Variants in SETD1A observed in about 807,000 individuals in gnomAD.
SETD1A encodes histone-lysine N-methyltransferase SETD1A.
Under a neutral mutation model 149.9 loss-of-function variants are expected in SETD1A, and 29 were observed. That is an observed-to-expected ratio of 0.19 (90% confidence interval 0.14 to 0.26). SETD1A has a LOEUF of 0.26. SETD1A is among the 10% of genes least tolerant of loss of function. The probability of loss-of-function intolerance (pLI) is 1.00; values close to 1 mark genes in which losing one functional copy is unlikely to be tolerated. For missense variants in SETD1A, 2,109 were observed against 2,353.1 expected, an observed-to-expected ratio of 0.90 and a Z score of 2.15; for synonymous variants, 1,141 against 968.5, an observed-to-expected ratio of 1.18 and a Z score of -3.31.
intron 13 of SETD1A, among the ~76,000 whole-genome samples, chr16:30,972,561 C>T (rs560496745): frequency 6.6e-6 from 1 of 152,016 alleles, no homozygotes; most frequent in Admixed American, 6.6e-5. Flanking sequence ...TGGCGTGAAC[C>T]CAGGAGGCAG....
Position 30,958,866 on chromosome 16 carries a change from C to T in SETD1A, c.135C>T (p.Val45=), listed in dbSNP as rs772707502. Residue 45 remains valine (V), a synonymous_variant, in exon 2 of 19, where the codon GTC becomes GTT. Transcript: ENST00000262519. ...PSQKVYRYDG[V]HFSVNDSKYI... is the part of the protein sequence containing the mutation. Reference sequence around the variant, plus strand: ...AGAAGGTGTACCGCTATGATGGAGTCCACTTCAGTGTCAACGTGAGTGCCC... The same window carrying T: ...AGAAGGTGTACCGCTATGATGGAGTTCACTTCAGTGTCAACGTGAGTGCCC... The T allele has an allele frequency of 6.2e-6, 10 of 1,614,066 alleles. No homozygotes were observed. The highest frequency in any genetic ancestry group is 8.5e-6 in the Non-Finnish European group (10 of 1,180,026).
At chr16:30,968,232 C>G (rs888917404) in intron 10 of SETD1A, among the ~76,000 whole-genome samples, 1 of 152,004 alleles carries the variant, frequency 6.6e-6, no homozygotes, top group Admixed American at 6.6e-5. Flanking sequence ...TGGCACAACC[C>G]TGTCTCTACT....
Position 30,964,125 on chromosome 16 carries a change from C to G in SETD1A, c.671C>G (p.Thr224Arg), listed in dbSNP as rs185543616. The G allele has an allele frequency of 1.2e-5, 19 of 1,613,940 alleles. No homozygotes were observed. The highest frequency in any genetic ancestry group is 1.5e-5 in the Non-Finnish European group (18 of 1,180,012). Residue 224 changes from threonine (T) to arginine (R), a missense_variant, in exon 6 of 19, where the codon ACA becomes AGA. By Grantham distance (71) the Thr-to-Arg change is moderately conservative (BLOSUM62 -1). This residue lies in a region of SETD1A where 410 missense variants were observed against 394.8 expected (regional missense o/e 1.04). Transcript: ENST00000262519. The stretch of plus-strand genomic sequence containing the variant: ...TCCCGCCGCCGCTCTTCCTCTGACA[C>G]AGCTGCCTACCCAGCAGGCACCACT... ...AESRRRSSSDTAAYPAGTTAV... is the reference protein window; with the variant it reads ...AESRRRSSSDRAAYPAGTTAV...
chr16:30,966,527 G>A lies in SETD1A; in HGVS notation c.2505+141G>A, dbSNP rs1234090734. The A allele has an allele frequency of 3.0e-6, 4 of 1,336,222 alleles. No individual in the cohort carries two copies. The African/African-American group carries it at 4.4e-5, about 15-fold the overall frequency. The allele number at this position is 1,336,222 out of a possible 1,614,324, so 82.8% of individuals were successfully genotyped here. ...GCCGCAGGCCCTGCAGGCCACCCTGGGTGGGCAGGGGAGTTGAGGGGACAG... is the reference window on the plus strand; with the variant it reads ...GCCGCAGGCCCTGCAGGCCACCCTGAGTGGGCAGGGGAGTTGAGGGGACAG... On this transcript the variant is annotated intron_variant, in intron 8 of 18. Coordinates refer to ENST00000262519, the MANE Select transcript of SETD1A (RefSeq NM_014712.3).
chr16:30,958,980 G>A, intron 2 of SETD1A, 99 bp downstream of exon 2: 5 of 1,517,568 alleles, frequency 3.3e-6, no homozygotes, highest in Non-Finnish European at 4.6e-6. Flanking sequence ...CTTCTTGAAA[G>A]TGGGCAGTTG....
chr16:30,981,355 G>T (rs2056375333), intron 17 of SETD1A, among the ~76,000 whole-genome samples, 175 bp downstream of exon 17: 2 of 152,168 alleles, frequency 1.3e-5, no homozygotes, highest in Admixed American at 1.3e-4. Flanking sequence ...CCAGCAGGAG[G>T]CATGGCTGAT....
Position 30,984,132 on chromosome 16 carries a change from C to T in SETD1A, c.*109C>T, listed in dbSNP as rs753257828. ...CAGCAGGGCCCACATGCCCCCATCT[C>T]CAAGCGTGGGGTTGGGGGCCCCAAG... On this transcript the variant is annotated 3_prime_UTR_variant, in exon 19 of 19. Coordinates refer to ENST00000262519, the MANE Select transcript of SETD1A (RefSeq NM_014712.3). The T allele has an allele frequency of 5.2e-5, 57 of 1,092,574 alleles. No individual in the cohort carries two copies. The highest frequency in any genetic ancestry group is 1.5e-4 in the Admixed American group (5 of 34,022). The allele number at this position is 1,092,574 out of a possible 1,614,324, so 67.7% of individuals were successfully genotyped here.
In SETD1A at chr16:30,961,478, A is replaced by G. The variant is rs1272560968; in HGVS notation, c.458A>G (p.Lys153Arg). 9.3e-6 allele frequency: 15 copies of G among 1,614,174 alleles called. No individual in the cohort carries two copies. Among genetic ancestry groups the G allele is most frequent in the African/African-American group, 2.7e-5 (2 of 75,060 alleles). Residue 153 changes from lysine to arginine, a missense_variant, in exon 4 of 19, where the codon AAA (lysine) becomes AGA (arginine). Transcript: ENST00000262519. The surrounding 1 kb of genome is among the most constrained non-coding windows in gnomAD (Gnocchi z 4.0). Reference protein sequence around the residue: ...TSTRGAKETVKNLHLTSVMGN... With the variant: ...TSTRGAKETVRNLHLTSVMGN... The stretch of plus-strand genomic sequence containing the variant: ...ACTCGGGGCGCCAAGGAAACGGTCA[A>G]AAACCTCCACCTTACCTCCGTCATG...
rs202041817 is a variant in SETD1A, at chr16:30,963,426, C to T, written c.518-7C>T. 13 of 1,589,246 alleles carry T rather than the reference C, an allele frequency of 8.2e-6. No homozygotes were observed. The highest frequency in any genetic ancestry group is 1.1e-5 in the South Asian group (1 of 87,810). On this transcript the variant is annotated splice_region_variant and splice_polypyrimidine_tract_variant and intron_variant, in intron 4 of 18. Transcript: ENST00000262519. ...CTGACAATTGGTTCCCATTTCCCTC[C>T]CTCCAGGACAACAACGAATGAAATA...
At position 30,964,969 on chromosome 16, in the gene SETD1A, C is replaced by T. The variant is rs2056116633; in HGVS notation, c.1227C>T (p.Tyr409=). Residue 409 remains tyrosine, a synonymous_variant, in exon 7 of 19, where the codon TAC becomes TAT. Transcript: ENST00000262519. ...CAGCTGAGCGCTTCCCACCTTCTTA[C>T]ACCTCCTACCTGCCCCCCGAGCCCA... The part of the protein sequence containing the change: ...ENTAERFPPS[Y]TSYLPPEPSR... The T allele has an allele frequency of 6.2e-7, 1 of 1,614,110 alleles. No individual in the cohort carries two copies. Among genetic ancestry groups the T allele is most frequent in the South Asian group, 1.1e-5 (1 of 91,070 alleles).
At chr16:30,978,567 T>C (rs1217436080) in intron 13 of SETD1A, among the ~76,000 whole-genome samples, 1 of 152,190 alleles carries the variant, frequency 6.6e-6, no homozygotes, top group Non-Finnish European at 1.5e-5. Context: ...CTCCTGCCCC[T>C]CCCTGCAGGG....
intron 13 of SETD1A, among the ~76,000 whole-genome samples, chr16:30,973,422 G>A (rs1322865252): frequency 6.6e-6 from 1 of 152,098 alleles, no homozygotes; most frequent in Non-Finnish European, 1.5e-5. Context: ...AGGAGGCCGA[G>A]GCGGGCAGAT....
chr16:30,959,774 A>G (rs1472887978), intron 3 of SETD1A, among the ~76,000 whole-genome samples: 2 of 146,802 alleles, frequency 1.4e-5, no homozygotes, highest in Middle Eastern at 3.5e-3. Context: ...TTTACTTTGT[A>G]CACTTCACTT....
intron 2 of SETD1A, 75 bp downstream of exon 2, chr16:30,958,956 G>C: frequency 6.4e-7 from 1 of 1,571,844 alleles, no homozygotes; most frequent in Non-Finnish European, 8.7e-7. Flanking sequence ...TCAGCACCTA[G>C]AACGGTAGCC....
chr16:30,978,272 C>CA (rs72209091), intron 13 of SETD1A, among the ~76,000 whole-genome samples: 51,645 of 96,438 alleles, frequency 0.54, 12,386 homozygotes, highest in South Asian at 0.72. Flanking sequence ...GACCCCATCT[C>CA]AAAAAAAAAA....
intron 10 of SETD1A, among the ~76,000 whole-genome samples, chr16:30,968,569 G>A (rs1466280123): frequency 1.3e-5 from 2 of 152,032 alleles, no homozygotes; most frequent in African/African-American, 4.8e-5. Flanking sequence ...TTGGGAGGCC[G>A]AGGCGGGTGG....
chr16:30,960,730 C>CTTTTTTTTTTTTT (rs71374043), intron 3 of SETD1A, among the ~76,000 whole-genome samples: 107 of 80,542 alleles, frequency 1.3e-3, no homozygotes, highest in East Asian at 2.9e-3. Flanking sequence ...TTCTTTCTTT[C>CTTTTTTTTTTTTT]TTTTTTTTTT....
rs775930670 is a variant in SETD1A, at chr16:30,971,461, G to A, written c.3100G>A (p.Glu1034Lys). Residue 1034 changes from glutamate (E) to lysine (K), a missense_variant, in exon 13 of 19, where the codon GAG (glutamate) becomes AAG (lysine). Around this residue, in one of 8 missense-constraint regions of SETD1A, gnomAD observed 832 missense variants for 815.6 expected, o/e 1.02. Coordinates refer to ENST00000262519, the MANE Select transcript of SETD1A (RefSeq NM_014712.3). ...DGENDSTSDS[E>K]SSSSSSSSSS... ...CGAAAATGACAGCACATCAGACTCC[G>A]AGAGCAGCAGCTCTTCCAGCTCCTC... 14 of 1,613,758 alleles carry A rather than the reference G, an allele frequency of 8.7e-6. No homozygotes were observed. The highest frequency in any genetic ancestry group is 3.3e-5 in the South Asian group (3 of 91,072).
chr16:30,974,264 T>C (rs1016090463), intron 13 of SETD1A, among the ~76,000 whole-genome samples: 1 of 152,180 alleles, frequency 6.6e-6, no homozygotes, highest in African/African-American at 2.4e-5. Context: ...CCCTTGGGCT[T>C]CCCAGTAGAA....
Sources: gnomAD v4.1 joint callset for allele counts (sites outside exome capture counted in the v4.1 genomes callset) on GRCh38, gnomAD v4.1.1 for gene constraint, gnomAD v4.1.1 regional missense constraint, Gnocchi (gnomAD v3.1) non-coding constraint, MANE v1.5 for transcripts, NCBI Gene and HGNC (gene_info 2026-07-23, HGNC 2026-07-21) for gene names.